Variants in CNOT6L observed in about 807,000 individuals in gnomAD.
The protein encoded by CNOT6L is CCR4-NOT transcription complex subunit 6 like.
In CNOT6L, 7 loss-of-function variants were observed where a neutral mutation model predicts 64.0. The observed-to-expected ratio is 0.11, with a 90% CI of 0.06 to 0.21. CNOT6L has a LOEUF of 0.21. CNOT6L is among the 10% of genes least tolerant of loss of function. The pLI is 1.00. For synonymous variants in CNOT6L, 193 were observed against 243.4 expected (o/e 0.79, Z 1.93); for missense variants, 245 against 669.0 (o/e 0.37, Z 6.99).
chr4:77,782,780 T>C (rs774746238), intron 1 of CNOT6L, among the ~76,000 whole-genome samples: 5 of 152,010 alleles, frequency 3.3e-5, no homozygotes, highest in East Asian at 1.9e-4. Context: ...CAACCAACTA[T>C]AGTATTTATT....
At chr4:77,725,756 A>C (rs1171790756) in intron 11 of CNOT6L, among the ~76,000 whole-genome samples, 1 of 152,098 alleles carries the variant, frequency 6.6e-6, no homozygotes, top group East Asian at 1.9e-4. Flanking sequence ...ATACTATATA[A>C]ATTCATTCAA....
rs766787447 is a variant in CNOT6L, at chr4:77,742,126, G to A, written c.872+15C>T. On this transcript the variant is annotated intron_variant, in intron 8 of 11. Transcript: ENST00000504123. ...AAATAAAAGTACACCATTGTGCTTT[G>A]TTTCCTTAACTTACTTTTCTGTTTT... The A allele has an allele frequency of 6.8e-6, 11 of 1,607,938 alleles. No homozygotes were observed. The highest frequency in any genetic ancestry group is 2.2e-5 in the South Asian group (2 of 90,102).
chr4:77,770,064 A>G (rs1727353782), intron 4 of CNOT6L, among the ~76,000 whole-genome samples: 1 of 152,182 alleles, frequency 6.6e-6, no homozygotes, highest in African/African-American at 2.4e-5. Flanking sequence ...CCAACTTACT[A>G]GACTGGCGGT....
intron 4 of CNOT6L, among the ~76,000 whole-genome samples, 152 bp downstream of exon 4, chr4:77,772,929 A>T (rs1303014479): frequency 6.6e-6 from 1 of 152,126 alleles, no homozygotes; most frequent in Non-Finnish European, 1.5e-5. Context: ...TCTCAAACAA[A>T]CAAACAAACA....
chr4:77,791,959 T>C (rs1730199863), intron 1 of CNOT6L, among the ~76,000 whole-genome samples: 1 of 152,166 alleles, frequency 6.6e-6, no homozygotes, highest in Non-Finnish European at 1.5e-5. Context: ...AAAACAAGGA[T>C]ACTTTACACT....
At chr4:77,792,676 A>G (rs1372922490) in intron 1 of CNOT6L, among the ~76,000 whole-genome samples, 1 of 150,864 alleles carries the variant, frequency 6.6e-6, no homozygotes, top group African/African-American at 2.4e-5. Context: ...CAGTAAGCCA[A>G]GATCGTGCCA....
chr4:77,765,964 G>A (rs1037490328), intron 4 of CNOT6L, among the ~76,000 whole-genome samples: 4 of 152,118 alleles, frequency 2.6e-5, no homozygotes, highest in African/African-American at 9.7e-5. Flanking sequence ...CTGCATCTGG[G>A]CCCATTTTGT....
At chr4:77,741,992 G>T in intron 8 of CNOT6L, 149 bp downstream of exon 8, 2 of 668,582 alleles carry the variant, frequency 3.0e-6, no homozygotes, top group Non-Finnish European at 2.5e-6. Flanking sequence ...CACAGCCTGA[G>T]AAATGAAACA....
intron 6 of CNOT6L, 82 bp downstream of exon 6, chr4:77,748,234 T>C: frequency 1.1e-6 from 1 of 940,528 alleles, no homozygotes; most frequent in Non-Finnish European, 1.7e-6. Flanking sequence ...AAAAATGAAG[T>C]CTTATTTATT....
chr4:77,798,809 C>A (rs1217947701), intron 1 of CNOT6L, among the ~76,000 whole-genome samples: 1 of 98,612 alleles, frequency 1.0e-5, no homozygotes, highest in Non-Finnish European at 2.3e-5. Flanking sequence ...CATAGTTAGA[C>A]CCCATTTCAA....
chr4:77,719,080 C>T lies in CNOT6L; in HGVS notation c.*1351G>A, dbSNP rs1721034358. The T allele has an allele frequency of 6.6e-6, 1 of 152,558 alleles. No homozygotes were observed. Among genetic ancestry groups the T allele is most frequent in the South Asian group, 2.1e-4 (1 of 4,824 alleles). 9.5% of individuals were successfully genotyped at this position (152,558 alleles called of 1,614,324 possible). A position where few individuals can be genotyped will look rare whatever the true frequency, so the allele number is the denominator to read the frequency against. On this transcript the variant is annotated 3_prime_UTR_variant, in exon 12 of 12. Transcript: ENST00000504123. ...AAAGAAAAACTTAAAAACACAGACA[C>T]AACCTTTTCCTGTTACTGTGCCATA...
In CNOT6L at chr4:77,793,918, C is replaced by T. The variant is rs144322227; in HGVS notation, c.6-17526G>A. Among the ~76,000 whole-genome samples the T allele has an allele frequency of 1.0e-3, 152 of 151,788 alleles. 1 individual carries two copies. Among genetic ancestry groups the T allele is most frequent in the African/African-American group, 3.1e-3 (130 of 41,404 alleles). On this transcript the variant is annotated intron_variant, in intron 1 of 11. Transcript: ENST00000504123. ...GTAATCCCAGCACTATGGGAAGCTGCGGCGGGTAGATCAACTGAGGTCAGG... is the reference window on the plus strand; with the variant it reads ...GTAATCCCAGCACTATGGGAAGCTGTGGCGGGTAGATCAACTGAGGTCAGG...
intron 1 of CNOT6L, among the ~76,000 whole-genome samples, chr4:77,777,017 C>A (rs1441210460): frequency 6.6e-6 from 1 of 152,152 alleles, no homozygotes; most frequent in Non-Finnish European, 1.5e-5. Flanking sequence ...AAGGCAGGGT[C>A]CTCACTGAAT....
At chr4:77,767,980 CAAAA>C (rs11455356) in intron 4 of CNOT6L, among the ~76,000 whole-genome samples, 3 of 87,122 alleles carry the variant, frequency 3.4e-5, no homozygotes, top group African/African-American at 9.4e-5. Context: ...ACTTTGTCCC[CAAAA>C]AAAAAAAAAA....
chr4:77,788,023 T>C (rs1729648554), intron 1 of CNOT6L, among the ~76,000 whole-genome samples: 1 of 152,244 alleles, frequency 6.6e-6, no homozygotes, highest in African/African-American at 2.4e-5. Flanking sequence ...ATCATAAATC[T>C]GAAAATCTAC....
At chr4:77,734,001 C>G (rs1347919492) in intron 8 of CNOT6L, among the ~76,000 whole-genome samples, 4 of 152,092 alleles carry the variant, frequency 2.6e-5, no homozygotes, top group Non-Finnish European at 5.9e-5. Flanking sequence ...TTCATTTGAA[C>G]AACTCAAGTT....
At chr4:77,760,481 T>G (rs918860777) in intron 4 of CNOT6L, among the ~76,000 whole-genome samples, 2 of 151,732 alleles carry the variant, frequency 1.3e-5, no homozygotes, top group African/African-American at 4.8e-5. Flanking sequence ...CTTACAGCTT[T>G]AAATGCTGAT....
intron 1 of CNOT6L, among the ~76,000 whole-genome samples, chr4:77,795,021 CTTTTTTT>C (rs35837302): frequency 3.7e-4 from 49 of 131,970 alleles, no homozygotes; most frequent in South Asian, 1.7e-3. Context: ...AGAAATTTTT[CTTTTTTT>C]TTTTTTTTTT....
intron 1 of CNOT6L, among the ~76,000 whole-genome samples, chr4:77,802,532 TAAGGGCAACATTATTTC>T (rs1731707505): frequency 6.6e-6 from 1 of 152,234 alleles, no homozygotes; most frequent in African/African-American, 2.4e-5. Context: ...CTTTGAAAAC[TAAGGGCAACATTATTTC>T]TTGAAACTTT....
Sources: allele counts gnomAD v4.1 joint callset (sites outside exome capture counted in the v4.1 genomes callset), GRCh38; gene constraint gnomAD v4.1.1; transcripts MANE v1.5; gene names NCBI Gene and HGNC (gene_info 2026-07-23, HGNC 2026-07-21).